Variants in HPSE2 observed in about 807,000 individuals in gnomAD.
The protein encoded by HPSE2 is inactive heparanase-2.
A neutral mutation model predicts 60.5 loss-of-function variants in HPSE2; 38 were observed. The observed-to-expected ratio is 0.63, with a 90% CI of 0.48 to 0.82. HPSE2 has a LOEUF of 0.82. HPSE2 is among the 40% of genes least tolerant of loss of function. The probability of loss-of-function intolerance (pLI) is 0.00; values close to 1 mark genes in which losing one functional copy is unlikely to be tolerated. For missense variants in HPSE2, 713 were observed against 740.4 expected (o/e 0.96, Z 0.43); for synonymous variants, 295 against 293.2 (o/e 1.01, Z -0.06).
chr10:99,117,703 C>T (rs1460771384), intron 3 of HPSE2, among the ~76,000 whole-genome samples: 1 of 152,046 alleles, frequency 6.6e-6, no homozygotes, highest in East Asian at 1.9e-4. Context: ...ATAATGAGCT[C>T]TGAAATTGAA....
Position 98,808,193 on chromosome 10 carries a change from AC to A in HPSE2, c.611-64138del, listed in dbSNP as rs1951085637. Among the ~76,000 whole-genome samples the A allele has an allele frequency of 2.0e-5, 3 of 152,174 alleles. No homozygotes were observed. In the South Asian group the frequency reaches 6.2e-4, roughly 32 times the overall value. On this transcript the variant is annotated intron_variant, in intron 3 of 11. Coordinates refer to ENST00000370552, the MANE Select transcript of HPSE2 (RefSeq NM_021828.5). ...TTGTCTGACTCTAAGAAACTTCTGA[AC>A]CCCAAAAGAAGCATATTCAAACCTA...
At chr10:98,656,494 C>T (rs1180572950) in intron 6 of HPSE2, among the ~76,000 whole-genome samples, 1 of 152,148 alleles carries the variant, frequency 6.6e-6, no homozygotes, top group Non-Finnish European at 1.5e-5. Flanking sequence ...GCTTCTATGC[C>T]TTTGAGAGAA....
chr10:98,762,448 G>C (rs1296418757), intron 3 of HPSE2, among the ~76,000 whole-genome samples: 1 of 152,116 alleles, frequency 6.6e-6, no homozygotes, highest in Non-Finnish European at 1.5e-5. Context: ...TGGAGAAGGG[G>C]ACTCATCTAA....
chr10:98,742,792 T>TACACACACACAC (rs71009713), intron 4 of HPSE2, among the ~76,000 whole-genome samples: 16 of 147,240 alleles, frequency 1.1e-4, no homozygotes, highest in East Asian at 2.0e-4. Flanking sequence ...CACACATACA[T>TACACACACACAC]ACACACACAC....
intron 2 of HPSE2, among the ~76,000 whole-genome samples, chr10:99,171,840 T>C (rs1847323019): frequency 1.3e-5 from 2 of 152,128 alleles, no homozygotes; most frequent in Admixed American, 1.3e-4. Flanking sequence ...CTTAACCTCT[T>C]TGAGAATTGA....
At chr10:99,013,005 G>C (rs1957052164) in intron 3 of HPSE2, 1 of 319,472 alleles carries the variant, frequency 3.1e-6, no homozygotes, top group Non-Finnish European at 6.0e-6. Flanking sequence ...TAAATCAGTT[G>C]ATTATAAATA....
chr10:99,189,780 G>T (rs1324356857), intron 2 of HPSE2, among the ~76,000 whole-genome samples: 1 of 152,192 alleles, frequency 6.6e-6, no homozygotes, highest in Non-Finnish European at 1.5e-5. Context: ...GGTCTAAAGG[G>T]AACAGTGCAT....
chr10:98,945,371 C>G (rs1955149956), intron 3 of HPSE2, among the ~76,000 whole-genome samples: 1 of 152,058 alleles, frequency 6.6e-6, no homozygotes, highest in Admixed American at 6.6e-5. Flanking sequence ...TAAAAAATGA[C>G]CTTTGGCTCA....
At chr10:98,747,236 A>ATTT (rs1949651490) in intron 3 of HPSE2, among the ~76,000 whole-genome samples, 1 of 152,188 alleles carries the variant, frequency 6.6e-6, no homozygotes, top group Non-Finnish European at 1.5e-5. Context: ...TAAGCATGCA[A>ATTT]TAAAATTACT....
intron 3 of HPSE2, among the ~76,000 whole-genome samples, chr10:98,977,785 T>C (rs1396431340): frequency 6.6e-6 from 1 of 151,946 alleles, no homozygotes; most frequent in African/African-American, 2.4e-5. Flanking sequence ...ACAGGTTTTT[T>C]ATAATAATAA....
At chr10:98,941,407 A>G (rs1282679791) in intron 3 of HPSE2, among the ~76,000 whole-genome samples, 1 of 129,114 alleles carries the variant, frequency 7.7e-6, no homozygotes, top group Non-Finnish European at 1.6e-5. Flanking sequence ...AAATCAATGT[A>G]CAAAAATCAC....
rs1421384796 is a variant in HPSE2 at position 98,934,474 on chromosome 10, G to C, written c.611-190418C>G. ...GAGCTCTTGCCAGGCAGGCCTGGTG[G>C]TGACAAAAATCCTTCAGCATTTGCT... On this transcript the variant is annotated intron_variant, in intron 3 of 11. Transcript: ENST00000370552. 1.1e-4 allele frequency among the ~76,000 whole-genome samples: 16 copies of C among 144,454 alleles called. 2 individuals are homozygous for C. Among genetic ancestry groups the C allele is most frequent in the Admixed American group, 8.9e-4 (13 of 14,546 alleles). The allele number at this position is 144,454 out of a possible 152,430, so 94.8% of individuals were successfully genotyped here.
At chr10:98,655,119 C>T (rs968168646) in intron 6 of HPSE2, among the ~76,000 whole-genome samples, 1 of 152,060 alleles carries the variant, frequency 6.6e-6, no homozygotes, top group Non-Finnish European at 1.5e-5. Context: ...TGATCTTCAC[C>T]TTTTTTTCCC....
the HPSE2 span, among the ~76,000 whole-genome samples, chr10:99,289,944 A>G: frequency 6.6e-6 from 1 of 152,182 alleles, no homozygotes; most frequent in African/African-American, 2.4e-5. Context: ...CTAAAACCTC[A>G]TCTTTCACAG....
intron 9 of HPSE2, among the ~76,000 whole-genome samples, chr10:98,505,427 T>C (rs1164887761): frequency 6.6e-6 from 1 of 152,204 alleles, no homozygotes; most frequent in African/African-American, 2.4e-5. Context: ...TACAGGTATA[T>C]GTATGACACT....
chr10:98,573,906 C>T (rs1944570298), intron 9 of HPSE2, among the ~76,000 whole-genome samples: 1 of 152,008 alleles, frequency 6.6e-6, no homozygotes, highest in African/African-American at 2.4e-5. Flanking sequence ...ATTCACATTC[C>T]ATGTAATTCA....
At chr10:98,772,719 T>A (rs934544952) in intron 3 of HPSE2, among the ~76,000 whole-genome samples, 1 of 152,234 alleles carries the variant, frequency 6.6e-6, no homozygotes, top group Non-Finnish European at 1.5e-5. Flanking sequence ...TTGACTGATT[T>A]GATTCACTAC....
At chr10:98,543,411 T>C (rs1003518031) in intron 9 of HPSE2, among the ~76,000 whole-genome samples, 36 of 151,474 alleles carry the variant, frequency 2.4e-4, no homozygotes, top group African/African-American at 8.7e-4. Context: ...TAGGAAGCAA[T>C]TGCATCAACT....
chr10:99,219,472 TCTCCCA>T (rs1355119180), intron 2 of HPSE2, among the ~76,000 whole-genome samples: 2 of 152,164 alleles, frequency 1.3e-5, no homozygotes, highest in African/African-American at 4.8e-5. Flanking sequence ...CCCACTCTAG[TCTCCCA>T]GAGAACCTGT....
Sources: allele counts gnomAD v4.1 joint callset (sites outside exome capture counted in the v4.1 genomes callset), GRCh38; gene constraint gnomAD v4.1.1; transcripts MANE v1.5; gene names NCBI Gene and HGNC (gene_info 2026-07-23, HGNC 2026-07-21).